The following TMCC1 variants were observed in gnomAD, a reference collection of about 807,000 sequenced individuals.
The protein encoded by TMCC1 is transmembrane and coiled-coil domains protein 1.
In TMCC1, 15 loss-of-function variants were observed where a neutral mutation model predicts 52.4. That is an observed-to-expected ratio of 0.29 (90% confidence interval 0.19 to 0.44). TMCC1 has a LOEUF of 0.44. Ranked by LOEUF, TMCC1 falls within the 20% of genes least tolerant of loss-of-function variation. The probability of loss-of-function intolerance (pLI) is 1.00; values close to 1 mark genes in which losing one functional copy is unlikely to be tolerated. For missense variants in TMCC1, 503 were observed against 806.0 expected (o/e 0.62, Z 4.55); for synonymous variants, 279 against 301.9 (o/e 0.92, Z 0.79).
rs968406399 is a variant in TMCC1, at chr3:129,805,934, C to CA, written c.576+21868dup. Among the ~76,000 whole-genome samples, 552 of 149,046 alleles carry CA rather than the reference C, an allele frequency of 3.7e-3. 3 individuals are homozygous for CA. Among genetic ancestry groups the CA allele is most frequent in the East Asian group, 9.1e-3 (46 of 5,074 alleles). ...GCCACAGAGTAAGACCCTGTCTCTT[C>CA]AAAAAAAAACAAAAAAACAAAAAAC... On this transcript the variant is annotated intron_variant, in intron 4 of 6. Transcript: ENST00000393238.
chr3:129,823,187 G>A (rs940098235), intron 4 of TMCC1, among the ~76,000 whole-genome samples: 6 of 151,952 alleles, frequency 3.9e-5, no homozygotes, highest in Non-Finnish European at 5.9e-5. Flanking sequence ...TTATACAGGC[G>A]TGGTGATGTG....
At chr3:129,673,262 G>A (rs946406202) in intron 4 of TMCC1, among the ~76,000 whole-genome samples, 12 of 152,162 alleles carry the variant, frequency 7.9e-5, no homozygotes, top group African/African-American at 2.9e-4. Flanking sequence ...GATAAGCAAG[G>A]TGCCAAGAGT....
At chr3:129,766,709 C>G (rs1010012833) in intron 4 of TMCC1, among the ~76,000 whole-genome samples, 3 of 151,996 alleles carry the variant, frequency 2.0e-5, no homozygotes, top group Admixed American at 6.6e-5. Context: ...CAGCCTACCC[C>G]CTGGGCTCAA....
At chr3:129,871,272 T>C (rs1025294323) in intron 2 of TMCC1, among the ~76,000 whole-genome samples, 2 of 151,028 alleles carry the variant, frequency 1.3e-5, no homozygotes, top group African/African-American at 2.4e-5. Context: ...GGCAGGAGAA[T>C]TGCTTGAACC....
At chr3:129,759,709 A>ATTTTTTTTTTTTTTTTTTTTTTT (rs1560350161) in intron 4 of TMCC1, among the ~76,000 whole-genome samples, 2 of 98,372 alleles carry the variant, frequency 2.0e-5, no homozygotes, top group African/African-American at 7.9e-5. Context: ...AGCCAGCCAA[A>ATTTTTTTTTTTTTTTTTTTTTTT]CTTTTTTTTT....
chr3:129,868,380 A>C (rs141825817), intron 2 of TMCC1, among the ~76,000 whole-genome samples: 1 of 152,304 alleles, frequency 6.6e-6, no homozygotes, highest in East Asian at 1.9e-4. Flanking sequence ...GTCTAAGCAA[A>C]AAAAGAAACA....
chr3:129,709,278 C>T (rs528657625), intron 4 of TMCC1, among the ~76,000 whole-genome samples: 153 of 151,524 alleles, frequency 1.0e-3, no homozygotes, highest in African/African-American at 2.8e-3. Flanking sequence ...GCCTGGGCAA[C>T]ATGGTGAGAC....
chr3:129,779,273 C>A (rs2055315987), intron 4 of TMCC1, among the ~76,000 whole-genome samples: 1 of 152,008 alleles, frequency 6.6e-6, no homozygotes, highest in African/African-American at 2.4e-5. Flanking sequence ...ATTAAAATAT[C>A]TCTTATATTT....
rs555708893 is a variant in TMCC1 at position 129,788,563 on chromosome 3, C to T, written c.576+39240G>A. Among the ~76,000 whole-genome samples, 21 of 151,952 alleles carry T rather than the reference C, an allele frequency of 1.4e-4. No individual in the cohort carries two copies. In the South Asian group the frequency reaches 1.7e-3, roughly 12 times the overall value. Reference sequence around the variant, plus strand: ...CTGCAAGCTCTGCCTCCCGGGTTGACGCCATTCTCCTGCCTCAGCCTCCCC... The same window carrying T: ...CTGCAAGCTCTGCCTCCCGGGTTGATGCCATTCTCCTGCCTCAGCCTCCCC... On this transcript the variant is annotated intron_variant, in intron 4 of 6. Coordinates refer to ENST00000393238, the MANE Select transcript of TMCC1 (RefSeq NM_001017395.5).
chr3:129,655,632 T>C (rs2086619747), intron 5 of TMCC1, among the ~76,000 whole-genome samples: 1 of 152,200 alleles, frequency 6.6e-6, no homozygotes, highest in African/African-American at 2.4e-5. Flanking sequence ...GGGACACTTC[T>C]GTCAACAAAT....
Position 129,782,091 on chromosome 3 carries a change from T to C in TMCC1, c.576+45712A>G, listed in dbSNP as rs1576821732. ...AGCTTAGTTTTGGATACTTTGAGTT[T>C]GAAATGTCTGTCAGACATTCTAACT... On this transcript the variant is annotated intron_variant, in intron 4 of 6. Transcript: ENST00000393238. Among the ~76,000 whole-genome samples, 3 of 152,094 alleles carry C rather than the reference T, an allele frequency of 2.0e-5. No individual in the cohort carries two copies. The East Asian group carries it at 5.8e-4, about 29-fold the overall frequency.
intron 4 of TMCC1, among the ~76,000 whole-genome samples, chr3:129,728,945 CCA>C (rs1194932647): frequency 6.6e-6 from 1 of 152,062 alleles, no homozygotes; most frequent in Non-Finnish European, 1.5e-5. Flanking sequence ...TATGTATATA[CCA>C]CAGTTTATCC....
intron 4 of TMCC1, among the ~76,000 whole-genome samples, chr3:129,808,670 G>A (rs2057609380): frequency 6.6e-6 from 1 of 151,150 alleles, no homozygotes; most frequent in Non-Finnish European, 1.5e-5. Context: ...AGCTCAAGTT[G>A]TAAATATATT....
At chr3:129,859,081 A>C (rs1231321846) in intron 2 of TMCC1, among the ~76,000 whole-genome samples, 1 of 152,184 alleles carries the variant, frequency 6.6e-6, no homozygotes, top group Non-Finnish European at 1.5e-5. Context: ...CATAGCTAAA[A>C]ATTTTCAAGA....
intron 4 of TMCC1, among the ~76,000 whole-genome samples, chr3:129,679,749 G>T (rs2088809954): frequency 6.6e-6 from 1 of 152,170 alleles, no homozygotes; most frequent in Non-Finnish European, 1.5e-5. Context: ...CATGAAGGTA[G>T]ATATTTTTGT....
At chr3:129,720,579 G>A (rs929986007) in intron 4 of TMCC1, among the ~76,000 whole-genome samples, 1 of 152,132 alleles carries the variant, frequency 6.6e-6, no homozygotes, top group African/African-American at 2.4e-5. Context: ...AGGTCCACCT[G>A]AGCCCCCCAA....
At chr3:129,814,058 T>C (rs1419151567) in intron 4 of TMCC1, among the ~76,000 whole-genome samples, 1 of 151,980 alleles carries the variant, frequency 6.6e-6, no homozygotes, top group Non-Finnish European at 1.5e-5. Context: ...TATACATTTA[T>C]TCTCCCAAAG....
intron 4 of TMCC1, among the ~76,000 whole-genome samples, chr3:129,799,798 C>T (rs2057071365): frequency 6.6e-6 from 1 of 152,158 alleles, no homozygotes; most frequent in East Asian, 1.9e-4. Flanking sequence ...GGCGACAGAG[C>T]GAGACTCTGT....
intron 2 of TMCC1, among the ~76,000 whole-genome samples, chr3:129,870,901 T>C (rs988066926): frequency 1.3e-5 from 2 of 151,978 alleles, no homozygotes; most frequent in African/African-American, 4.8e-5. Context: ...AATCTGACAG[T>C]CCAAGAACAA....
Sources: gnomAD v4.1 joint callset for allele counts (sites outside exome capture counted in the v4.1 genomes callset) on GRCh38, gnomAD v4.1.1 for gene constraint, MANE v1.5 for transcripts, NCBI Gene and HGNC (gene_info 2026-07-23, HGNC 2026-07-21) for gene names.